Variants in RBFOX1 observed in about 807,000 individuals in gnomAD.
RBFOX1 encodes RNA binding protein fox-1 homolog 1.
RBFOX1 carries 8 observed loss-of-function variants against 57.7 expected under a neutral mutation model. That is an observed-to-expected ratio of 0.14 (90% CI 0.08 to 0.25). RBFOX1 has a LOEUF of 0.25. Among genes scored for constraint, RBFOX1 ranks in the 10% least tolerant of loss-of-function variants. RBFOX1 has a pLI of 1.00. For synonymous variants in RBFOX1, 326 were observed against 222.4 expected (o/e 1.47, Z -4.15); for missense variants, 611 against 548.5 (o/e 1.11, Z -1.14).
At chr16:6,046,699 C>G (rs1306478378) in intron 1 of RBFOX1, among the ~76,000 whole-genome samples, 2 of 152,164 alleles carry the variant, frequency 1.3e-5, no homozygotes, top group Non-Finnish European at 2.9e-5. Flanking sequence ...ATTCTCAGAT[C>G]TTAGACTCAA....
chr16:6,087,714 G>A (rs546169551), intron 1 of RBFOX1, among the ~76,000 whole-genome samples: 6 of 150,782 alleles, frequency 4.0e-5, no homozygotes, highest in Non-Finnish European at 5.9e-5. Context: ...GTGCCGTGGC[G>A]TGATCTCGGC....
chr16:6,238,083 T>A lies in RBFOX1; in HGVS notation c.-126-78912T>A, dbSNP rs550594407. ...TCCAGTCTGGGTGACAGAATGAGAC[T>A]CTGTCTCAAAAAAAAAAAAAAAAAA... On this transcript the variant is annotated intron_variant, in intron 1 of 15. Transcript: ENST00000550418. 7.3e-4 allele frequency among the ~76,000 whole-genome samples: 98 copies of A among 133,904 alleles called. 1 individual carries two copies. The highest frequency in any genetic ancestry group is 2.6e-3 in the African/African-American group (89 of 34,412). 87.8% of individuals were successfully genotyped at this position (133,904 alleles called of 152,430 possible). A position where few individuals can be genotyped will look rare whatever the true frequency, so the allele number is the denominator to read the frequency against.
At chr16:5,506,271 A>G (rs375752322) in intron 2 of RBFOX1, among the ~76,000 whole-genome samples, 19 of 152,328 alleles carry the variant, frequency 1.2e-4, no homozygotes, top group Middle Eastern at 3.4e-3. Flanking sequence ...TGCTCCAGCC[A>G]CATTTGCGAG....
chr16:5,927,544 C>G (rs2058963047), intron 4 of RBFOX1, among the ~76,000 whole-genome samples: 1 of 152,090 alleles, frequency 6.6e-6, no homozygotes, highest in South Asian at 2.1e-4. Context: ...ATGGAGGTTC[C>G]CCCCAAAAGT....
At chr16:7,565,788 C>T (rs1034130044) in intron 5 of RBFOX1, among the ~76,000 whole-genome samples, 4 of 152,012 alleles carry the variant, frequency 2.6e-5, no homozygotes, top group Admixed American at 2.0e-4. Flanking sequence ...TTATTTATCA[C>T]TGTGAAGAGT....
At chr16:5,456,234 TA>T (rs955071996) in intron 1 of RBFOX1, among the ~76,000 whole-genome samples, 2 of 152,196 alleles carry the variant, frequency 1.3e-5, no homozygotes, top group Admixed American at 1.3e-4. Flanking sequence ...ACAGCTTGCA[TA>T]ATATTCAATG....
At chr16:6,379,532 T>G (rs2091570115) in intron 2 of RBFOX1, among the ~76,000 whole-genome samples, 1 of 151,916 alleles carries the variant, frequency 6.6e-6, no homozygotes, top group Admixed American at 6.6e-5. Context: ...AAACTGAGTA[T>G]GAGCAGAAGG....
At chr16:6,796,840 G>T (rs927448369) in intron 3 of RBFOX1, among the ~76,000 whole-genome samples, 1 of 152,282 alleles carries the variant, frequency 6.6e-6, no homozygotes, top group South Asian at 2.1e-4. Context: ...TTTTGGGAAT[G>T]ATAGAAGACA....
chr16:5,635,977 G>C (rs1193211963), intron 3 of RBFOX1, among the ~76,000 whole-genome samples: 1 of 152,162 alleles, frequency 6.6e-6, no homozygotes, highest in African/African-American at 2.4e-5. Flanking sequence ...TGGAGTCCAA[G>C]GTGGGAGGAT....
chr16:5,360,498 T>G (rs1244465962), intron 1 of RBFOX1, among the ~76,000 whole-genome samples: 2 of 151,992 alleles, frequency 1.3e-5, no homozygotes, highest in Non-Finnish European at 2.9e-5. Context: ...TGGGAGAGAG[T>G]GCACCTTCCC....
chr16:5,578,713 A>G (rs1431908511), intron 2 of RBFOX1, among the ~76,000 whole-genome samples: 2 of 152,100 alleles, frequency 1.3e-5, no homozygotes, highest in Non-Finnish European at 2.9e-5. Context: ...TCCTCTGTGA[A>G]GTATCAGTAA....
rs145147828 is a variant in RBFOX1, at chr16:7,497,084, C to T, written c.28-21063C>T. Among the ~76,000 whole-genome samples, 9 of 152,278 alleles carry T rather than the reference C, an allele frequency of 5.9e-5. No individual in the cohort carries two copies. In the East Asian group the frequency reaches 1.2e-3, roughly 20 times the overall value. On this transcript the variant is annotated intron_variant, in intron 4 of 15. Coordinates refer to ENST00000550418, the MANE Select transcript of RBFOX1 (RefSeq NM_018723.4). ...AGCCTACCAGCCATTTAGTGGCCAG[C>T]GTGGTCTTTCTAAGACAAACCTGAC...
intron 4 of RBFOX1, among the ~76,000 whole-genome samples, chr16:7,369,778 AAATAAT>A (rs1192685621): frequency 2.0e-5 from 3 of 152,130 alleles, no homozygotes; most frequent in Non-Finnish European, 2.9e-5. Flanking sequence ...AAAAATAAGT[AAATAAT>A]AATAATAATT....
intron 4 of RBFOX1, among the ~76,000 whole-genome samples, chr16:7,356,029 A>C (rs774330678): frequency 6.6e-6 from 1 of 152,356 alleles, no homozygotes; most frequent in Non-Finnish European, 1.5e-5. Context: ...AAAATGAAGA[A>C]GCAAGCTCCA....
chr16:5,636,299 G>C (rs530794984), intron 3 of RBFOX1, among the ~76,000 whole-genome samples: 2 of 152,174 alleles, frequency 1.3e-5, no homozygotes, highest in Non-Finnish European at 2.9e-5. Context: ...AGTGAGCCAA[G>C]ATTGCGCCAT....
At chr16:5,965,482 A>G (rs7196187) in intron 4 of RBFOX1, among the ~76,000 whole-genome samples, 44,897 of 152,022 alleles carry the variant, frequency 0.3, 7,410 homozygotes, top group East Asian at 0.39. Context: ...ATCAAGCTGT[A>G]AGTGGCATGC....
intron 2 of RBFOX1, among the ~76,000 whole-genome samples, chr16:5,522,532 C>T (rs908773621): frequency 1.1e-4 from 17 of 152,162 alleles, no homozygotes; most frequent in African/African-American, 3.6e-4. Context: ...TTTATTATTT[C>T]GATGTGTTGG....
chr16:5,811,503 T>G (rs996717325), intron 3 of RBFOX1, among the ~76,000 whole-genome samples: 1 of 150,082 alleles, frequency 6.7e-6, no homozygotes. Flanking sequence ...CAGGCTGGAG[T>G]GCAGTGGCAC....
At chr16:6,349,302 G>A (rs760566410) in intron 2 of RBFOX1, among the ~76,000 whole-genome samples, 3 of 152,118 alleles carry the variant, frequency 2.0e-5, no homozygotes, top group Admixed American at 6.5e-5. Context: ...AGCTGATAAG[G>A]AGGCTGACAT....
Sources: gnomAD v4.1 joint callset for allele counts (sites outside exome capture counted in the v4.1 genomes callset) on GRCh38, gnomAD v4.1.1 for gene constraint, MANE v1.5 for transcripts, NCBI Gene and HGNC (gene_info 2026-07-23, HGNC 2026-07-21) for gene names.